The following PACRG variants were observed in gnomAD, a reference collection of about 807,000 sequenced individuals.
PACRG encodes parkin coregulated gene protein.
A neutral mutation model predicts 29.7 loss-of-function variants in PACRG; 29 were observed. The observed-to-expected ratio is 0.98, with a 90% CI of 0.73 to 1.33. The LOEUF is 1.33. PACRG is among the 40% of genes most tolerant of loss of function. PACRG has a pLI of 0.00. For synonymous variants in PACRG, 116 were observed against 118.7 expected, an observed-to-expected ratio of 0.98 and a Z score of 0.15; for missense variants, 279 against 316.2, an observed-to-expected ratio of 0.88 and a Z score of 0.89.
intron 2 of PACRG, among the ~76,000 whole-genome samples, chr6:162,821,408 C>T (rs547219230): frequency 6.6e-6 from 1 of 152,316 alleles, no homozygotes; most frequent in Admixed American, 6.5e-5. Flanking sequence ...AGACAATTCA[C>T]ATTACCAGGG....
In PACRG at chr6:162,753,307, A is replaced by G. The variant is rs566810064; in HGVS notation, c.156+24916A>G. On this transcript the variant is annotated intron_variant, in intron 1 of 4. Coordinates refer to ENST00000366888, the MANE Select transcript of PACRG (RefSeq NM_001080379.2). Reference sequence around the variant, plus strand: ...AGTAGCCATGATACTTCCTACTTCTATGAGTTCAACTTTGTTATAGTCTAC... The same window carrying G: ...AGTAGCCATGATACTTCCTACTTCTGTGAGTTCAACTTTGTTATAGTCTAC... 8.2e-5 allele frequency among the ~76,000 whole-genome samples: 12 copies of G among 147,152 alleles called. No individual in the cohort carries two copies. In the East Asian group the frequency reaches 2.4e-3, roughly 30 times the overall value.
intron 3 of PACRG, among the ~76,000 whole-genome samples, chr6:163,088,304 ACTT>A (rs780775730): frequency 6.6e-6 from 1 of 152,166 alleles, no homozygotes; most frequent in Non-Finnish European, 1.5e-5. Flanking sequence ...AGAGCCTTTG[ACTT>A]CTTCTTGGAG....
chr6:162,735,637 T>A (rs946533331), intron 1 of PACRG, among the ~76,000 whole-genome samples: 1 of 152,180 alleles, frequency 6.6e-6, no homozygotes, highest in African/African-American at 2.4e-5. Flanking sequence ...ATATTCTAAA[T>A]GATATGAGGC....
At chr6:163,162,047 T>A (rs1174126169) in intron 4 of PACRG, among the ~76,000 whole-genome samples, 1 of 152,140 alleles carries the variant, frequency 6.6e-6, no homozygotes, top group Non-Finnish European at 1.5e-5. Flanking sequence ...CACACAGAAC[T>A]GCATGGGGAG....
At chr6:163,076,180 C>G (rs144364564) in intron 3 of PACRG, among the ~76,000 whole-genome samples, 1 of 152,052 alleles carries the variant, frequency 6.6e-6, no homozygotes, top group Non-Finnish European at 1.5e-5. Context: ...GGACACAGAC[C>G]CCAAACCTTG....
intron 2 of PACRG, among the ~76,000 whole-genome samples, chr6:163,042,053 C>T (rs1969859): frequency 0.013 from 1,904 of 152,186 alleles, 45 homozygotes; most frequent in African/African-American, 0.042. Context: ...TTAGTAGAGA[C>T]GGGGTTTCTC....
Position 163,200,655 on chromosome 6 carries a change from C to G in PACRG, c.613+111247C>G, listed in dbSNP as rs149751412. ...GGAAGGTCAAATTTTAACCTTTTAACGTTGGAAGTGAAGACACCTGATATG... is the reference window on the plus strand; with the variant it reads ...GGAAGGTCAAATTTTAACCTTTTAAGGTTGGAAGTGAAGACACCTGATATG... On this transcript the variant is annotated intron_variant, in intron 4 of 4. Transcript: ENST00000366888. Among the ~76,000 whole-genome samples, 763 of 152,122 alleles carry G rather than the reference C, an allele frequency of 5.0e-3. 3 individuals carry two copies. Among genetic ancestry groups the G allele is most frequent in the Middle Eastern group, 0.031 (9 of 294 alleles).
chr6:163,289,805 A>G (rs1275658211), intron 4 of PACRG, among the ~76,000 whole-genome samples: 1 of 150,340 alleles, frequency 6.7e-6, no homozygotes, highest in Non-Finnish European at 1.5e-5. Context: ...CCTTGACCAC[A>G]GCACCACTCA....
intron 4 of PACRG, among the ~76,000 whole-genome samples, chr6:163,140,708 CTGT>C (rs1403356576): frequency 6.6e-6 from 1 of 152,164 alleles, no homozygotes; most frequent in African/African-American, 2.4e-5. Context: ...CATGTTCATT[CTGT>C]TATTAAAATA....
At chr6:163,034,850 T>C (rs1808013498) in intron 2 of PACRG, among the ~76,000 whole-genome samples, 1 of 152,200 alleles carries the variant, frequency 6.6e-6, no homozygotes, top group African/African-American at 2.4e-5. Flanking sequence ...GAGTCCACAG[T>C]GCAAAGCAAA....
chr6:163,183,165 G>A (rs990416055), intron 4 of PACRG: 5 of 152,220 alleles, frequency 3.3e-5, no homozygotes, highest in African/African-American at 9.7e-5. Flanking sequence ...CGTGTTCGGG[G>A]AACCGTGAGT....
At chr6:162,738,968 A>G (rs916899642) in intron 1 of PACRG, among the ~76,000 whole-genome samples, 2 of 152,188 alleles carry the variant, frequency 1.3e-5, no homozygotes, top group African/African-American at 4.8e-5. Context: ...ACATTGCAGT[A>G]TCATAACATC....
At chr6:163,035,463 A>G (rs981449720) in intron 2 of PACRG, among the ~76,000 whole-genome samples, 2 of 152,180 alleles carry the variant, frequency 1.3e-5, no homozygotes, top group Non-Finnish European at 2.9e-5. Flanking sequence ...CCTGGCCAAC[A>G]TGGTGAAATT....
chr6:162,905,484 G>A (rs1344568463), intron 2 of PACRG, among the ~76,000 whole-genome samples: 3 of 152,128 alleles, frequency 2.0e-5, no homozygotes, highest in Non-Finnish European at 2.9e-5. Flanking sequence ...AAAGAATCCC[G>A]CAGCTCGTCT....
chr6:163,011,568 A>G (rs1254899791), intron 2 of PACRG, among the ~76,000 whole-genome samples: 1 of 152,206 alleles, frequency 6.6e-6, no homozygotes, highest in Non-Finnish European at 1.5e-5. Context: ...GTACACTACC[A>G]GGGACCTCAT....
rs753575082 is a variant in PACRG, at chr6:163,089,440, A to T, written c.613+32A>T. 5.6e-6 allele frequency: 9 copies of T among 1,606,026 alleles called. No homozygotes were observed. The South Asian group carries it at 1.0e-4, about 18-fold the overall frequency. ...GAGCCCACGAGTCAAAATGTCTTTT[A>T]AGCCAAAGAAAAAGGGAGTGGTTTG... On this transcript the variant is annotated intron_variant, in intron 4 of 4. Coordinates refer to ENST00000366888, the MANE Select transcript of PACRG (RefSeq NM_001080379.2).
chr6:162,759,347 G>A (rs1030892464), intron 1 of PACRG, among the ~76,000 whole-genome samples: 2 of 152,132 alleles, frequency 1.3e-5, no homozygotes, highest in Non-Finnish European at 2.9e-5. Flanking sequence ...GTACATCTAT[G>A]TGAGCCGTGG....
chr6:163,280,452 T>C (rs1784190879), intron 4 of PACRG, among the ~76,000 whole-genome samples: 1 of 152,150 alleles, frequency 6.6e-6, no homozygotes, highest in South Asian at 2.1e-4. Flanking sequence ...GGCAGTGTGG[T>C]GAACAAAGGC....
At chr6:163,020,989 CCTT>C (rs748653939) in intron 2 of PACRG, among the ~76,000 whole-genome samples, 1 of 152,204 alleles carries the variant, frequency 6.6e-6, no homozygotes, top group Non-Finnish European at 1.5e-5. Context: ...ACGATCTCCT[CCTT>C]ATCTTGCTCT....
Sources: gnomAD v4.1 joint callset for allele counts (sites outside exome capture counted in the v4.1 genomes callset) on GRCh38, gnomAD v4.1.1 for gene constraint, MANE v1.5 for transcripts, NCBI Gene and HGNC (gene_info 2026-07-23, HGNC 2026-07-21) for gene names.